The following ASIC2 variants were observed in gnomAD, a reference collection of about 807,000 sequenced individuals.
The protein encoded by ASIC2 is acid-sensing ion channel 2.
ASIC2 carries 25 observed loss-of-function variants against 57.3 expected under a neutral mutation model. The observed-to-expected ratio is 0.44, with a 90% CI of 0.32 to 0.61. The LOEUF (loss-of-function observed/expected upper bound fraction) is 0.61. Ranked by LOEUF, ASIC2 falls within the 20% of genes least tolerant of loss-of-function variation. ASIC2 has a pLI of 0.06. For synonymous variants in ASIC2, 319 were observed against 307.5 expected, an observed-to-expected ratio of 1.04 and a Z score of -0.39; for missense variants, 641 against 738.1, an observed-to-expected ratio of 0.87 and a Z score of 1.52.
intron 1 of ASIC2, among the ~76,000 whole-genome samples, chr17:33,695,704 C>G (rs1908503513): frequency 6.6e-6 from 1 of 152,130 alleles, no homozygotes; most frequent in Admixed American, 6.5e-5. Flanking sequence ...CACATGCACA[C>G]AACATAACCT....
intron 1 of ASIC2, among the ~76,000 whole-genome samples, chr17:33,385,662 C>G (rs571741187): frequency 6.6e-6 from 1 of 152,176 alleles, no homozygotes; most frequent in Non-Finnish European, 1.5e-5. Flanking sequence ...TGAGGCCTGC[C>G]GGAGTGAAAA....
chr17:34,010,707 A>G (rs1232624617), intron 1 of ASIC2, among the ~76,000 whole-genome samples: 2 of 152,044 alleles, frequency 1.3e-5, no homozygotes, highest in African/African-American at 4.8e-5. Flanking sequence ...ACATAACCAC[A>G]CAGACACACA....
chr17:33,778,804 A>AGT (rs1266119022), intron 1 of ASIC2, among the ~76,000 whole-genome samples: 1 of 152,336 alleles, frequency 6.6e-6, no homozygotes, highest in Admixed American at 6.5e-5. Context: ...TAGACTGCAT[A>AGT]GTGGATACTC....
intron 1 of ASIC2, among the ~76,000 whole-genome samples, chr17:33,830,587 T>A (rs1913073282): frequency 6.6e-6 from 1 of 152,102 alleles, no homozygotes; most frequent in Admixed American, 6.6e-5. Flanking sequence ...GGAATATATA[T>A]GCAGAAAGTG....
chr17:33,512,152 G>A (rs1455008765), intron 1 of ASIC2, among the ~76,000 whole-genome samples: 2 of 152,210 alleles, frequency 1.3e-5, no homozygotes, highest in African/African-American at 4.8e-5. Flanking sequence ...GTCCTCCAAA[G>A]GGAGGTCTTA....
intron 1 of ASIC2, among the ~76,000 whole-genome samples, chr17:33,628,971 T>C (rs766249483): frequency 6.6e-6 from 1 of 152,188 alleles, no homozygotes; most frequent in Non-Finnish European, 1.5e-5. Context: ...GAATACAGCA[T>C]GGATGCGGCC....
intron 1 of ASIC2, 101 bp from the exon 2 acceptor site, chr17:33,112,168 C>T (rs1356169106): frequency 7.4e-6 from 10 of 1,347,030 alleles, no homozygotes; most frequent in African/African-American, 1.5e-5. Context: ...AGGTCAGAGT[C>T]CCCACAGCCC....
At chr17:33,095,138 T>G (rs1345835980) in intron 2 of ASIC2, among the ~76,000 whole-genome samples, 2 of 152,238 alleles carry the variant, frequency 1.3e-5, no homozygotes, top group African/African-American at 4.8e-5. Context: ...CAATTTGCAG[T>G]GTCATCATCA....
chr17:33,083,250 G>T (rs891179456), intron 3 of ASIC2, among the ~76,000 whole-genome samples: 4 of 152,148 alleles, frequency 2.6e-5, no homozygotes, highest in Non-Finnish European at 5.9e-5. Context: ...CTCTCAGAGG[G>T]CTCTGAGACT....
At chr17:33,721,799 C>T (rs756655649) in intron 1 of ASIC2, among the ~76,000 whole-genome samples, 3 of 152,154 alleles carry the variant, frequency 2.0e-5, no homozygotes, top group Non-Finnish European at 4.4e-5. Context: ...GGGTTAGGAA[C>T]ATTCCAGAGA....
At chr17:33,955,566 C>T (rs111342756) in intron 1 of ASIC2, 186 of 152,180 alleles carry the variant, frequency 1.2e-3, no homozygotes, top group African/African-American at 4.3e-3. Context: ...TTTTTTTCAA[C>T]ACTTGCAGAA....
chr17:33,415,759 T>A (rs1012717002), intron 1 of ASIC2, among the ~76,000 whole-genome samples: 1 of 151,950 alleles, frequency 6.6e-6, no homozygotes, highest in African/African-American at 2.4e-5. Flanking sequence ...GAGAGCAAAG[T>A]GGATGAAAGA....
intron 1 of ASIC2, among the ~76,000 whole-genome samples, chr17:33,959,484 T>A (rs569212983): frequency 6.6e-6 from 1 of 152,220 alleles, no homozygotes; most frequent in South Asian, 2.1e-4. Flanking sequence ...CCAGTCTGAG[T>A]TCCAAAATCT....
chr17:33,712,020 C>T (rs988877721), intron 1 of ASIC2, among the ~76,000 whole-genome samples: 1 of 152,180 alleles, frequency 6.6e-6, no homozygotes, highest in Non-Finnish European at 1.5e-5. Flanking sequence ...ATCATCATCC[C>T]CCTTTTCTCC....
intron 1 of ASIC2, among the ~76,000 whole-genome samples, chr17:33,242,554 T>C (rs1908545175): frequency 2.0e-5 from 3 of 152,138 alleles, no homozygotes; most frequent in Admixed American, 2.0e-4. Flanking sequence ...AAATAGGATT[T>C]AAACCCAGTC....
intron 1 of ASIC2, among the ~76,000 whole-genome samples, chr17:33,379,659 A>G (rs1379182348): frequency 6.6e-6 from 1 of 152,154 alleles, no homozygotes; most frequent in East Asian, 1.9e-4. Context: ...TCTTCCTAGG[A>G]ATGTGGCGAG....
chr17:33,688,271 C>T (rs924890327), intron 1 of ASIC2, among the ~76,000 whole-genome samples: 9 of 152,302 alleles, frequency 5.9e-5, no homozygotes, highest in East Asian at 3.9e-4. Context: ...AAGATCCTAA[C>T]TTAATGGGGC....
chr17:33,683,659 A>G lies in ASIC2; in HGVS notation c.555+472319T>C, dbSNP rs1335517700. Among the ~76,000 whole-genome samples the G allele has an allele frequency of 2.0e-5, 3 of 152,210 alleles. No homozygotes were observed. In the East Asian group the frequency reaches 5.8e-4, roughly 29 times the overall value. On this transcript the variant is annotated intron_variant, in intron 1 of 9. Coordinates refer to the ASIC2 transcript ENST00000359872. Reference sequence around the variant, plus strand: ...TAGGCTCAAATGATCCTCCTGCCTCAGCCTCCCAAGTAGTTGGAAATACAG... The same window carrying G: ...TAGGCTCAAATGATCCTCCTGCCTCGGCCTCCCAAGTAGTTGGAAATACAG...
At chr17:33,324,718 G>A (rs1297007534) in intron 1 of ASIC2, among the ~76,000 whole-genome samples, 1 of 152,194 alleles carries the variant, frequency 6.6e-6, no homozygotes, top group Non-Finnish European at 1.5e-5. Context: ...CATTAAGAGA[G>A]GAGCCCAGGG....
Sources: allele counts gnomAD v4.1 joint callset (sites outside exome capture counted in the v4.1 genomes callset), GRCh38; gene constraint gnomAD v4.1.1; transcripts MANE v1.5; gene names NCBI Gene and HGNC (gene_info 2026-07-23, HGNC 2026-07-21).